Variants in NUP210 observed in about 807,000 individuals in gnomAD.
NUP210 encodes nuclear pore membrane glycoprotein 210.
A neutral mutation model predicts 196.0 loss-of-function variants in NUP210; 151 were observed. The ratio of observed to expected loss-of-function variants is 0.77; its 90% confidence interval spans 0.67 to 0.88. The LOEUF is 0.88. Ranked by LOEUF, NUP210 falls within the 40% of genes least tolerant of loss-of-function variation. NUP210 has a pLI of 0.00. For synonymous variants in NUP210, 1,070 were observed against 1,052.7 expected (o/e 1.02, Z -0.32); for missense variants, 2,314 against 2,493.7 (o/e 0.93, Z 1.53).
At chr3:13,399,265 CAAA>C (rs35136269) in intron 2 of NUP210, among the ~76,000 whole-genome samples, 2 of 65,334 alleles carry the variant, frequency 3.1e-5, no homozygotes, top group Non-Finnish European at 3.1e-5. Flanking sequence ...GACTCTGTCT[CAAA>C]AAAAAAAAAA....
rs1181076865 is a variant in NUP210, at chr3:13,318,999, C to T, written c.5563+73G>A. The T allele has an allele frequency of 4.2e-6, 6 of 1,423,826 alleles. No homozygotes were observed. In the Admixed American group the frequency reaches 1.3e-4, roughly 30 times the overall value. The allele number at this position is 1,423,826 out of a possible 1,614,324, so 88.2% of individuals were successfully genotyped here. On this transcript the variant is annotated intron_variant, in intron 39 of 39. Coordinates refer to ENST00000254508, the MANE Select transcript of NUP210 (RefSeq NM_024923.4). ...CTGTTGAGACTTAGGGTTCAGGAGC[C>T]TCGACCCCTCCCCCAGGGCTCTTCT...
At chr3:13,372,632 G>A (rs1698770772) in intron 12 of NUP210, among the ~76,000 whole-genome samples, 2 of 152,182 alleles carry the variant, frequency 1.3e-5, no homozygotes, top group African/African-American at 4.8e-5. Flanking sequence ...TAGAGCGGCT[G>A]GAGCCAGGAG....
chr3:13,387,865 A>G (rs959922964), intron 5 of NUP210, among the ~76,000 whole-genome samples: 1 of 152,030 alleles, frequency 6.6e-6, no homozygotes, highest in Non-Finnish European at 1.5e-5. Flanking sequence ...TACACATAGG[A>G]TCCCTGGGCC....
chr3:13,373,821 G>C lies in NUP210; in HGVS notation c.1484C>G (p.Ala495Gly). Reference protein sequence around the residue: ...FSWSSSSHLVATVTVKGVMTT... With the variant: ...FSWSSSSHLVGTVTVKGVMTT... ...CATCACGCCCTTGACAGTAACTGTGGCAACCAGGTGGCTTGACGAAGACCA... is the reference window on the plus strand; with the variant it reads ...CATCACGCCCTTGACAGTAACTGTGCCAACCAGGTGGCTTGACGAAGACCA... Residue 495 changes from alanine (A) to glycine (G), a missense_variant, in exon 12 of 40, where the codon GCC becomes GGC. Coordinates refer to ENST00000254508, the MANE Select transcript of NUP210 (RefSeq NM_024923.4). 1 of 1,614,128 alleles carries C rather than the reference G, an allele frequency of 6.2e-7. No homozygotes were observed. The highest frequency in any genetic ancestry group is 8.5e-7 in the Non-Finnish European group (1 of 1,179,990).
rs1697937675 is a variant in NUP210, at chr3:13,350,634, C to T, written c.2835+1245G>A. Among the ~76,000 whole-genome samples, 2 of 150,100 alleles carry T rather than the reference C, an allele frequency of 1.3e-5. No homozygotes were observed. The highest frequency in any genetic ancestry group is 2.5e-5 in the African/African-American group (1 of 40,804). ...GTAAAGGAAGATTTGATAACAATCT[C>T]ATATCAAACAGCGAATATCAATAAA... On this transcript the variant is annotated intron_variant, in intron 20 of 39. Coordinates refer to ENST00000254508, the MANE Select transcript of NUP210 (RefSeq NM_024923.4). The surrounding 1 kb of genome is among the most constrained non-coding windows in gnomAD (Gnocchi z 4.1).
intron 1 of NUP210, among the ~76,000 whole-genome samples, chr3:13,415,989 C>A (rs1700336800): frequency 6.6e-6 from 1 of 152,140 alleles, no homozygotes; most frequent in Admixed American, 6.5e-5. Flanking sequence ...CCACAGTCAC[C>A]CCTCAGCAAA....
rs1352392457 is a variant in NUP210 at position 13,347,064 on chromosome 3, CACTCATCCTGG to C, written c.2836-3772_2836-3762del. 1.0e-6 allele frequency: 1 copy of C among 985,318 alleles called. No homozygotes were observed. Among genetic ancestry groups the C allele is most frequent in the African/African-American group, 1.7e-5 (1 of 57,238 alleles). The allele number at this position is 985,318 out of a possible 1,614,324, so 61.0% of individuals were successfully genotyped here. ...GGCCCTGCAATTGCCACCCACTCCC[CACTCATCCTGG>C]ACACATGTCCTCACCTGAACAATGG... On this transcript the variant is annotated intron_variant, in intron 20 of 39. Transcript: ENST00000254508. The surrounding 1 kb of genome is among the most constrained non-coding windows in gnomAD (Gnocchi z 4.7).
rs1302142875 is a variant in NUP210 at position 13,319,918 on chromosome 3, C to G, written c.5228G>C (p.Ser1743Thr). Residue 1743 changes from serine (S) to threonine (T), a missense_variant, in exon 37 of 40, where the codon AGC becomes ACC. Transcript: ENST00000254508. ...FAKEKSFGWP[S>T]FITYTVGVLD... ...GACGCCGACCGTGTATGTGATGAAG[C>G]TGGGCCACCCAAAAGACTTCTCCTT... 1.2e-6 allele frequency: 2 copies of G among 1,614,096 alleles called. No homozygotes were observed. Among genetic ancestry groups the G allele is most frequent in the African/African-American group, 2.7e-5 (2 of 74,948 alleles).
chr3:13,319,706 T>C (rs1408289857), intron 37 of NUP210, 57 bp downstream of exon 37: 2 of 1,491,376 alleles, frequency 1.3e-6, no homozygotes, highest in Non-Finnish European at 1.9e-6. Context: ...CCAGGACCAC[T>C]CCTGCCTGTC....
intron 28 of NUP210, among the ~76,000 whole-genome samples, chr3:13,333,136 A>G (rs1055148099): frequency 1.3e-5 from 2 of 152,214 alleles, no homozygotes; most frequent in African/African-American, 4.8e-5. Context: ...GATCAGCCTC[A>G]TGAGGTCGGC....
chr3:13,416,541 A>G (rs556326296), intron 1 of NUP210, among the ~76,000 whole-genome samples: 229 of 152,340 alleles, frequency 1.5e-3, no homozygotes, highest in African/African-American at 5.4e-3. Flanking sequence ...CCAACAGAGC[A>G]CTTTCTCTGT....
rs890608368 is a variant in NUP210, at chr3:13,347,954, T to C, written c.2835+3925A>G. Among the ~76,000 whole-genome samples the C allele has an allele frequency of 2.0e-5, 3 of 152,168 alleles. No individual in the cohort carries two copies. The highest frequency in any genetic ancestry group is 4.1e-4 in the South Asian group (2 of 4,832). On this transcript the variant is annotated intron_variant, in intron 20 of 39. Coordinates refer to ENST00000254508, the MANE Select transcript of NUP210 (RefSeq NM_024923.4). This position sits in a 1 kb window ranked among gnomAD's most constrained non-coding sequence, Gnocchi z 4.7. The stretch of plus-strand genomic sequence containing the variant: ...GACCCCAGTGGGCAGGGCGCCTCCA[T>C]GGAAGGAAACTTCTGGACCAGAGCA...
intron 1 of NUP210, among the ~76,000 whole-genome samples, chr3:13,410,179 CCTTTTT>C (rs1187552745): frequency 2.8e-5 from 4 of 144,060 alleles, no homozygotes; most frequent in African/African-American, 1.0e-4. Context: ...ATTTTTTTTT[CCTTTTT>C]CTTTTTCTTT....
Position 13,344,328 on chromosome 3 carries a change from G to A in NUP210, c.2836-1025C>T, listed in dbSNP as rs367583994. On this transcript the variant is annotated intron_variant, in intron 20 of 39. Transcript: ENST00000254508. ...ATACAGCTTGTCTTACTACTTAGGC[G>A]CATATTTCAGTCAGGTGGTCCTGGA... Among the ~76,000 whole-genome samples, 7 of 152,168 alleles carry A rather than the reference G, an allele frequency of 4.6e-5. No homozygotes were observed. In the East Asian group the frequency reaches 1.3e-3, roughly 29 times the overall value.
At position 13,340,333 on chromosome 3, in the gene NUP210, G is replaced by T. The variant is rs766703711; in HGVS notation, c.3229-35C>A. 1 of 1,594,450 alleles carries T rather than the reference G, an allele frequency of 6.3e-7. No homozygotes were observed. The highest frequency in any genetic ancestry group is 1.7e-5 in the Admixed American group (1 of 59,932). Reference sequence around the variant, plus strand: ...GACACAGGAGAGAAAGGACTACTGTGCCCCAAGCCCATGGCGCCAAGCATA... The same window carrying T: ...GACACAGGAGAGAAAGGACTACTGTTCCCCAAGCCCATGGCGCCAAGCATA... On this transcript the variant is annotated intron_variant, in intron 23 of 39. Coordinates refer to ENST00000254508, the MANE Select transcript of NUP210 (RefSeq NM_024923.4). The surrounding 1 kb of genome is among the most constrained non-coding windows in gnomAD (Gnocchi z 4.0).
At chr3:13,406,821 C>T (rs914385366) in intron 1 of NUP210, among the ~76,000 whole-genome samples, 3 of 152,180 alleles carry the variant, frequency 2.0e-5, no homozygotes, top group African/African-American at 7.2e-5. Flanking sequence ...CTCCCACTCA[C>T]CAACACCTCT....
intron 15 of NUP210, 52 bp from the exon 16 acceptor site, chr3:13,358,447 C>G: frequency 6.5e-7 from 1 of 1,540,404 alleles, no homozygotes; most frequent in Admixed American, 1.8e-5. Context: ...TCTCACTCCT[C>G]TCTGAGCTAT....
At chr3:13,334,333 T>C (rs1361805778) in intron 28 of NUP210, among the ~76,000 whole-genome samples, 1 of 152,130 alleles carries the variant, frequency 6.6e-6, no homozygotes, top group Non-Finnish European at 1.5e-5. Context: ...ACAAAGAACA[T>C]GCATTTGGTG....
At chr3:13,412,475 A>G (rs1456496000) in intron 1 of NUP210, among the ~76,000 whole-genome samples, 1 of 152,000 alleles carries the variant, frequency 6.6e-6, no homozygotes, top group Non-Finnish European at 1.5e-5. Flanking sequence ...GCACTTTGGG[A>G]GGCAGAGGAG....
Sources: gnomAD v4.1 joint callset for allele counts (sites outside exome capture counted in the v4.1 genomes callset) on GRCh38, gnomAD v4.1.1 for gene constraint, Gnocchi (gnomAD v3.1) non-coding constraint, MANE v1.5 for transcripts, NCBI Gene and HGNC (gene_info 2026-07-23, HGNC 2026-07-21) for gene names.